Variants in ATXN3 observed in about 807,000 individuals in gnomAD.
ATXN3 encodes the protein ataxin-3.
ATXN3 carries 28 observed loss-of-function variants against 58.2 expected under a neutral mutation model. That is an observed-to-expected ratio of 0.48 (90% confidence interval 0.36 to 0.66). The LOEUF (loss-of-function observed/expected upper bound fraction) is 0.66, where lower values mean the gene tolerates loss of function less well. Ranked by LOEUF, ATXN3 falls within the 30% of genes least tolerant of loss-of-function variation. The probability of loss-of-function intolerance (pLI) is 0.00; values close to 1 mark genes in which losing one functional copy is unlikely to be tolerated. For synonymous variants in ATXN3, 113 were observed against 138.5 expected (o/e 0.82, Z 1.29); for missense variants, 321 against 422.1 (o/e 0.76, Z 2.10).
intron 1 of ATXN3, among the ~76,000 whole-genome samples, chr14:92,099,929 A>C (rs1419952480): frequency 1.3e-5 from 2 of 151,978 alleles, no homozygotes; most frequent in Non-Finnish European, 2.9e-5. Flanking sequence ...GAAGGAAAGA[A>C]AGAAGAAAGA....
chr14:92,105,477 TCTTTG>T (rs775851457), intron 1 of ATXN3, among the ~76,000 whole-genome samples: 38 of 152,226 alleles, frequency 2.5e-4, no homozygotes, highest in Non-Finnish European at 5.1e-4. Context: ...TATTCTTTTG[TCTTTG>T]CTTTATTTGT....
chr14:92,096,234 A>G (rs1305705721), intron 2 of ATXN3, 97 bp from the exon 3 acceptor site: 2 of 1,608,724 alleles, frequency 1.2e-6, no homozygotes, highest in East Asian at 2.2e-5. Context: ...TATCTTGTGC[A>G]TTCCCATTTC....
chr14:92,065,673 A>T (rs1391985111), intron 10 of ATXN3, among the ~76,000 whole-genome samples: 1 of 152,156 alleles, frequency 6.6e-6, no homozygotes, highest in Non-Finnish European at 1.5e-5. Flanking sequence ...CGAGGTTAGG[A>T]GATGGAGACC....
intron 5 of ATXN3, among the ~76,000 whole-genome samples, chr14:92,091,710 T>G (rs1389142938): frequency 6.6e-6 from 1 of 152,154 alleles, no homozygotes; most frequent in African/African-American, 2.4e-5. Flanking sequence ...TTGAAACTTT[T>G]TTTTTGAGAC....
chr14:92,057,802 T>C (rs867895728), downstream of ATXN3, among the ~76,000 whole-genome samples: 2 of 152,280 alleles, frequency 1.3e-5, no homozygotes, highest in Non-Finnish European at 1.5e-5. Context: ...AAAAATTTGA[T>C]GTGCTTTGTT....
chr14:92,070,911 T>C, intron 10 of ATXN3, 24 bp downstream of exon 10: 1 of 1,612,872 alleles, frequency 6.2e-7, no homozygotes, highest in Non-Finnish European at 8.5e-7. Flanking sequence ...GTAGCGAACA[T>C]GATGAATGGT....
At chr14:92,072,694 TAAAA>T (rs33967699) in intron 9 of ATXN3, among the ~76,000 whole-genome samples, 22,315 of 89,684 alleles carry the variant, frequency 0.25, 1,950 homozygotes, top group East Asian at 0.4. Flanking sequence ...AGCTATAGGT[TAAAA>T]AAAAAAAAAA....
At chr14:92,076,168 GA>G (rs2060313322) in intron 9 of ATXN3, among the ~76,000 whole-genome samples, 1 of 152,110 alleles carries the variant, frequency 6.6e-6, no homozygotes, top group Non-Finnish European at 1.5e-5. Flanking sequence ...AGTTCAGGCC[GA>G]GTGCAGTGGC....
intron 1 of ATXN3, among the ~76,000 whole-genome samples, chr14:92,100,552 A>G (rs890858113): frequency 6.6e-6 from 1 of 152,152 alleles, no homozygotes; most frequent in Admixed American, 6.6e-5. Context: ...AATAATTAAC[A>G]GTAGTTAATT....
At chr14:92,094,000 G>C in intron 3 of ATXN3, 169 bp from the exon 4 acceptor site, 1 of 512,776 alleles carries the variant, frequency 2.0e-6, no homozygotes, top group Non-Finnish European at 3.4e-6. Flanking sequence ...CTGGAGTATA[G>C]TGGCACGATC....
At chr14:92,096,648 T>C (rs771135240) in intron 2 of ATXN3, 26 bp downstream of exon 2, 4 of 1,553,498 alleles carry the variant, frequency 2.6e-6, no homozygotes, top group Non-Finnish European at 3.5e-6. Flanking sequence ...AAAAGAAATG[T>C]GACTTAGTGA....
rs537599687 is a variant in ATXN3 at position 92,048,829 on chromosome 14, T to C, written n.184+774A>G. Reference sequence around the variant, plus strand: ...GGGAAGAGGGGAGAGGTCAGATGAGTCCATAGAAAAGGAGGATTCAAAGGA... The same window carrying C: ...GGGAAGAGGGGAGAGGTCAGATGAGCCCATAGAAAAGGAGGATTCAAAGGA... On this transcript the variant is annotated intron_variant and non_coding_transcript_variant, in intron 1 of 2. Coordinates refer to the ATXN3 transcript ENST00000564606. Among the ~76,000 whole-genome samples, 4 of 150,876 alleles carry C rather than the reference T, an allele frequency of 2.7e-5. No individual in the cohort carries two copies. In the South Asian group the frequency reaches 8.4e-4, roughly 32 times the overall value.
chr14:92,089,969 T>C (rs55705173), intron 5 of ATXN3, among the ~76,000 whole-genome samples: 26 of 152,198 alleles, frequency 1.7e-4, no homozygotes, highest in African/African-American at 6.3e-4. Flanking sequence ...AGCTCATGCC[T>C]ATAATCCGAG....
chr14:92,080,556 C>T lies in ATXN3; in HGVS notation c.872+409G>A, dbSNP rs1169419843. On this transcript the variant is annotated intron_variant, in intron 9 of 10. Transcript: ENST00000644486. ...ATATATATACATATATTTTTGGAGA[C>T]GGAGTCTCACTCTGTCACCCAGTCT... 3.2e-5 allele frequency: 6 copies of T among 185,562 alleles called. No individual in the cohort carries two copies. In the East Asian group the frequency reaches 6.1e-4, roughly 19 times the overall value. The allele number at this position is 185,562 out of a possible 1,614,324, so 11.5% of individuals were successfully genotyped here.
At chr14:92,103,720 C>A (rs1420569951) in intron 1 of ATXN3, among the ~76,000 whole-genome samples, 1 of 152,198 alleles carries the variant, frequency 6.6e-6, no homozygotes, top group African/African-American at 2.4e-5. Context: ...ACTGTTTTTA[C>A]ATTCTAACTT....
intron 1 of ATXN3, among the ~76,000 whole-genome samples, chr14:92,103,498 C>T (rs1032986747): frequency 4.6e-5 from 7 of 152,032 alleles, no homozygotes; most frequent in Admixed American, 2.0e-4. Context: ...TGCAGTGGTG[C>T]GATCATGGCT....
chr14:92,072,002 ATAACTGTGCTGT>A (rs1376102809), intron 9 of ATXN3, among the ~76,000 whole-genome samples: 5 of 152,224 alleles, frequency 3.3e-5, no homozygotes, highest in Non-Finnish European at 5.9e-5. Context: ...CCCAGTGCTG[ATAACTGTGCTGT>A]TACATAGTAA....
chr14:92,068,294 C>T (rs1470639353), intron 10 of ATXN3, among the ~76,000 whole-genome samples: 1 of 152,176 alleles, frequency 6.6e-6, no homozygotes, highest in Non-Finnish European at 1.5e-5. Context: ...CATATCTTGG[C>T]TCCCACTTGG....
At chr14:92,049,238 T>A (rs1027900776) in intron 1 of ATXN3, among the ~76,000 whole-genome samples, 1 of 151,562 alleles carries the variant, frequency 6.6e-6, no homozygotes, top group Non-Finnish European at 1.5e-5. Context: ...GGAAGTAAGT[T>A]TAAAGAGAAA....
Sources: allele counts gnomAD v4.1 joint callset (sites outside exome capture counted in the v4.1 genomes callset), GRCh38; gene constraint gnomAD v4.1.1; transcripts MANE v1.5; gene names NCBI Gene and HGNC (gene_info 2026-07-23, HGNC 2026-07-21).